Variants in BCO1 observed in about 807,000 individuals in gnomAD.
The protein encoded by BCO1 is beta-carotene oxygenase 1.
BCO1 carries 54 observed loss-of-function variants against 56.3 expected under a neutral mutation model. The ratio of observed to expected loss-of-function variants is 0.96; its 90% CI spans 0.77 to 1.20. The LOEUF is 1.20. Ranked by LOEUF, BCO1 falls within the 50% of genes most tolerant of loss-of-function variation. The probability of loss-of-function intolerance (pLI) is 0.00; values close to 1 mark genes in which losing one functional copy is unlikely to be tolerated. For missense variants in BCO1, 801 were observed against 690.9 expected, an observed-to-expected ratio of 1.16 and a Z score of -1.79; for synonymous variants, 318 against 266.1, an observed-to-expected ratio of 1.20 and a Z score of -1.90.
At chr16:81,252,751 C>G (rs1328173294) in intron 2 of BCO1, among the ~76,000 whole-genome samples, 1 of 152,168 alleles carries the variant, frequency 6.6e-6, no homozygotes, top group Non-Finnish European at 1.5e-5. Context: ...CTTGCTCACC[C>G]ACAGATGAGT....
intron 2 of BCO1, among the ~76,000 whole-genome samples, chr16:81,250,466 C>T (rs373120671): frequency 6.6e-6 from 1 of 152,066 alleles, no homozygotes; most frequent in East Asian, 1.9e-4. Context: ...TGTTCAGTTC[C>T]ACTCTAGCGG....
At chr16:81,264,076 A>G (rs1457771467) in intron 4 of BCO1, 1 of 176,602 alleles carries the variant, frequency 5.7e-6, no homozygotes, top group Admixed American at 5.4e-5. Context: ...AGTGAGGGTC[A>G]TTATTCAGCT....
At chr16:81,276,698 T>C (rs967971384) in intron 7 of BCO1, among the ~76,000 whole-genome samples, 1 of 152,172 alleles carries the variant, frequency 6.6e-6, no homozygotes, top group African/African-American at 2.4e-5. Context: ...TAACTACGAG[T>C]TGTTATTGTA....
chr16:81,246,711 C>T (rs1905439858), intron 2 of BCO1, among the ~76,000 whole-genome samples: 1 of 151,958 alleles, frequency 6.6e-6, no homozygotes, highest in African/African-American at 2.4e-5. Flanking sequence ...ATTAGCTGGT[C>T]ATAGTGGCAC....
intron 8 of BCO1, 75 bp from the exon 9 acceptor site, chr16:81,285,465 C>T: frequency 1.8e-6 from 2 of 1,090,300 alleles, no homozygotes; most frequent in South Asian, 1.3e-5. Flanking sequence ...GAAAGGCTAC[C>T]CAATCTGACA....
intron 2 of BCO1, among the ~76,000 whole-genome samples, chr16:81,255,623 C>T (rs1338034289): frequency 6.6e-6 from 1 of 151,008 alleles, no homozygotes; most frequent in Non-Finnish European, 1.5e-5. Flanking sequence ...CCTCAGCCTC[C>T]CAAGTAGCTG....
chr16:81,269,657 T>A (rs993904702), intron 6 of BCO1, among the ~76,000 whole-genome samples: 1 of 152,070 alleles, frequency 6.6e-6, no homozygotes, highest in Non-Finnish European at 1.5e-5. Flanking sequence ...TTAGTAGAGA[T>A]GGGGTTTTGC....
rs886153068 is a variant in BCO1, at chr16:81,262,201, A to C, written c.389A>C (p.Lys130Thr). The part of the protein sequence containing the change: ...FTDNCLINIM[K>T]CGEDFYATSE... The stretch of plus-strand genomic sequence containing the variant: ...GACAACTGCCTGATCAACATCATGA[A>C]GTGCGGAGAAGACTTCTACGCGACC... Residue 130 changes from lysine to threonine, a missense_variant, in exon 4 of 11, where the codon AAG (lysine) becomes ACG (threonine). Coordinates refer to ENST00000258168, the MANE Select transcript of BCO1 (RefSeq NM_017429.3). The C allele has an allele frequency of 1.2e-6, 2 of 1,613,728 alleles. No individual in the cohort carries two copies. The highest frequency in any genetic ancestry group is 1.7e-5 in the Admixed American group (1 of 59,992).
chr16:81,278,971 G>C (rs916103111), intron 7 of BCO1, among the ~76,000 whole-genome samples: 1 of 152,104 alleles, frequency 6.6e-6, no homozygotes, highest in Admixed American at 6.6e-5. Flanking sequence ...AAATAGGTTG[G>C]TTTTAATTAT....
At chr16:81,242,445 T>C (rs9939335) in intron 1 of BCO1, among the ~76,000 whole-genome samples, 62,189 of 151,796 alleles carry the variant, frequency 0.41, 13,626 homozygotes, top group African/African-American at 0.57. Context: ...GAGTGATCCA[T>C]CCGCCTTGGC....
rs545396158 is a variant in BCO1, at chr16:81,241,417, T to A, written c.64+2445T>A. On this transcript the variant is annotated intron_variant, in intron 1 of 10. Transcript: ENST00000258168. ...AATGACTGCATGAAATCCTTGGAAA[T>A]GTTAGAAAACATGAATTCTAGAACA... Among the ~76,000 whole-genome samples, 6 of 152,314 alleles carry A rather than the reference T, an allele frequency of 3.9e-5. 1 individual carries two copies. In the South Asian group the frequency reaches 1.2e-3, roughly 32 times the overall value.
intron 1 of BCO1, among the ~76,000 whole-genome samples, chr16:81,242,150 C>A (rs117491318): frequency 6.7e-6 from 1 of 148,706 alleles, no homozygotes. Flanking sequence ...CTGTGCCTGG[C>A]GCCACGATTA....
chr16:81,261,577 G>T (rs920112445), intron 3 of BCO1, among the ~76,000 whole-genome samples: 1 of 152,028 alleles, frequency 6.6e-6, no homozygotes, highest in African/African-American at 2.4e-5. Flanking sequence ...AGAGACCTTT[G>T]GGTTTTGGGG....
chr16:81,250,734 C>G (rs1005401582), intron 2 of BCO1, among the ~76,000 whole-genome samples: 1 of 152,058 alleles, frequency 6.6e-6, no homozygotes, highest in East Asian at 1.9e-4. Context: ...GCATGAGCCA[C>G]CATGCCCAGC....
chr16:81,277,699 G>A (rs1490781854), intron 7 of BCO1, among the ~76,000 whole-genome samples: 1 of 152,198 alleles, frequency 6.6e-6, no homozygotes, highest in African/African-American at 2.4e-5. Context: ...TGCTTCTTAT[G>A]AGAGTTCCCT....
intron 2 of BCO1, among the ~76,000 whole-genome samples, chr16:81,254,470 T>G (rs1446288925): frequency 2.7e-5 from 4 of 150,600 alleles, no homozygotes; most frequent in Non-Finnish European, 5.9e-5. Flanking sequence ...TTTTAATAGA[T>G]AAGGGCTTCC....
chr16:81,251,896 A>G (rs1035564392), intron 2 of BCO1, among the ~76,000 whole-genome samples: 4 of 131,180 alleles, frequency 3.0e-5, no homozygotes, highest in African/African-American at 1.0e-4. Flanking sequence ...GTGTGTATAT[A>G]TATCTATATC....
chr16:81,274,149 G>A (rs1056089029), intron 7 of BCO1, among the ~76,000 whole-genome samples: 1 of 151,956 alleles, frequency 6.6e-6, no homozygotes, highest in Admixed American at 6.6e-5. Flanking sequence ...TACACAGAGA[G>A]GAACATACTC....
At chr16:81,286,274 A>G (rs1463726709) in intron 9 of BCO1, among the ~76,000 whole-genome samples, 1 of 152,070 alleles carries the variant, frequency 6.6e-6, no homozygotes, top group Non-Finnish European at 1.5e-5. Context: ...CTTCTTTTTA[A>G]TGTCTTCATT....
Sources: gnomAD v4.1 joint callset for allele counts (sites outside exome capture counted in the v4.1 genomes callset) on GRCh38, gnomAD v4.1.1 for gene constraint, MANE v1.5 for transcripts, NCBI Gene and HGNC (gene_info 2026-07-23, HGNC 2026-07-21) for gene names.